The following ZNF521 variants were observed in gnomAD, a reference collection of about 807,000 sequenced individuals.
The protein encoded by ZNF521 is LYST-interacting protein 3.
ZNF521 carries 14 observed loss-of-function variants against 105.5 expected under a neutral mutation model. That is an observed-to-expected ratio of 0.13 (90% CI 0.09 to 0.21). The LOEUF is 0.21. Among genes scored for constraint, ZNF521 ranks in the 10% least tolerant of loss-of-function variants. ZNF521 has a pLI of 1.00. For missense variants in ZNF521, 1,233 were observed against 1,629.7 expected (o/e 0.76, Z 4.19); for synonymous variants, 635 against 606.0 (o/e 1.05, Z -0.70).
chr18:25,136,859 T>G (rs1325656839), intron 5 of ZNF521: 1 of 152,226 alleles, frequency 6.6e-6, no homozygotes, highest in Non-Finnish European at 1.5e-5. Flanking sequence ...ATTTGAACTG[T>G]TAAACCAAAT....
intron 3 of ZNF521, among the ~76,000 whole-genome samples, chr18:25,305,506 T>A (rs1434008040): frequency 1.3e-5 from 2 of 152,300 alleles, no homozygotes; most frequent in Non-Finnish European, 2.9e-5. Context: ...AAAACGTTAA[T>A]TTTATTCATT....
intron 3 of ZNF521, among the ~76,000 whole-genome samples, chr18:25,312,914 C>G (rs1912398493): frequency 6.6e-6 from 1 of 151,894 alleles, no homozygotes. Flanking sequence ...GGAGCCCTGA[C>G]AGTTGAACAA....
intron 5 of ZNF521, among the ~76,000 whole-genome samples, chr18:25,132,060 A>C (rs1265370839): frequency 6.6e-6 from 1 of 152,200 alleles, no homozygotes; most frequent in Non-Finnish European, 1.5e-5. Context: ...ACTTAAAGGC[A>C]CAAGAGATCC....
In ZNF521 at chr18:25,317,146, G is replaced by T. The variant is rs533267592; in HGVS notation, c.220+4862C>A. The stretch of plus-strand genomic sequence containing the variant: ...TGCTGGGATTACAGACATGAGCCAC[G>T]ACGCCCGGCCTCTACTTTTCTACCT... On this transcript the variant is annotated intron_variant, in intron 3 of 7. Coordinates refer to ENST00000361524, the MANE Select transcript of ZNF521 (RefSeq NM_015461.3). Among the ~76,000 whole-genome samples the T allele has an allele frequency of 4.6e-5, 7 of 152,058 alleles. No individual in the cohort carries two copies. In the East Asian group the frequency reaches 5.8e-4, roughly 13 times the overall value.
At chr18:25,220,477 C>A (rs1232935103) in intron 4 of ZNF521, among the ~76,000 whole-genome samples, 1 of 152,222 alleles carries the variant, frequency 6.6e-6, no homozygotes, top group Middle Eastern at 3.4e-3. Flanking sequence ...AATCCTGAAC[C>A]TGGAGTTAAC....
intron 3 of ZNF521, among the ~76,000 whole-genome samples, chr18:25,277,604 T>C (rs1465675946): frequency 1.3e-5 from 2 of 152,240 alleles, no homozygotes; most frequent in African/African-American, 4.8e-5. Context: ...TCATGTCATT[T>C]ACCTTATCTT....
chr18:25,284,908 G>GCA (rs750591820), intron 3 of ZNF521, among the ~76,000 whole-genome samples: 4 of 139,380 alleles, frequency 2.9e-5, no homozygotes, highest in Non-Finnish European at 4.7e-5. Flanking sequence ...GCGTGCGCGC[G>GCA]CGCACACACA....
chr18:25,134,082 T>A (rs577165937), intron 5 of ZNF521, among the ~76,000 whole-genome samples: 5 of 152,258 alleles, frequency 3.3e-5, no homozygotes, highest in African/African-American at 1.2e-4. Context: ...CTGATGCAAT[T>A]CCTGTCTTAC....
chr18:25,211,870 A>G (rs1401467423), intron 4 of ZNF521, among the ~76,000 whole-genome samples: 3 of 152,166 alleles, frequency 2.0e-5, no homozygotes, highest in African/African-American at 7.2e-5. Context: ...CTGTCTTTAA[A>G]CCACTAATTT....
At chr18:25,335,116 A>C (rs1272114674) in intron 2 of ZNF521, among the ~76,000 whole-genome samples, 3 of 152,204 alleles carry the variant, frequency 2.0e-5, no homozygotes, top group African/African-American at 7.2e-5. Flanking sequence ...TGCTCAGACT[A>C]GAATAAGGAA....
chr18:25,192,518 A>C (rs145040766), intron 5 of ZNF521, among the ~76,000 whole-genome samples: 22 of 152,296 alleles, frequency 1.4e-4, no homozygotes, highest in African/African-American at 4.1e-4. Context: ...TCATCTGTAG[A>C]TCTTGTTTTC....
intron 7 of ZNF521, among the ~76,000 whole-genome samples, chr18:25,083,844 A>G (rs148274227): frequency 0.051 from 7,613 of 149,828 alleles, 236 homozygotes; most frequent in Non-Finnish European, 0.062. Flanking sequence ...ATCATGGCTC[A>G]CTGCAGCCTC....
intron 3 of ZNF521, among the ~76,000 whole-genome samples, chr18:25,307,478 C>A (rs1459276075): frequency 1.3e-5 from 2 of 152,184 alleles, no homozygotes; most frequent in Non-Finnish European, 2.9e-5. Context: ...TGTGAAGTTC[C>A]TCAGAGCAGT....
intron 4 of ZNF521, among the ~76,000 whole-genome samples, chr18:25,212,115 C>T (rs2036189634): frequency 6.6e-6 from 1 of 151,994 alleles, no homozygotes; most frequent in African/African-American, 2.4e-5. Flanking sequence ...ATTTTCTCTG[C>T]CTATTCTTTT....
chr18:25,122,439 G>T (rs1376214437), intron 5 of ZNF521, among the ~76,000 whole-genome samples: 4 of 152,000 alleles, frequency 2.6e-5, no homozygotes, highest in African/African-American at 9.7e-5. Context: ...GTATTTTCAT[G>T]GTTTTAAGTA....
intron 4 of ZNF521, among the ~76,000 whole-genome samples, chr18:25,222,590 TA>T (rs1905804638): frequency 6.6e-6 from 1 of 152,200 alleles, no homozygotes; most frequent in South Asian, 2.1e-4. Flanking sequence ...TGCAGTCATT[TA>T]AAATCAACTT....
At chr18:25,201,282 C>T (rs1209230994) in intron 4 of ZNF521, 3 of 152,146 alleles carry the variant, frequency 2.0e-5, no homozygotes, top group Non-Finnish European at 2.9e-5. Flanking sequence ...GGTAAAAATC[C>T]TAGTTCCTGG....
chr18:25,319,156 G>A (rs531820528), intron 3 of ZNF521, among the ~76,000 whole-genome samples: 68 of 152,256 alleles, frequency 4.5e-4, no homozygotes, highest in African/African-American at 1.6e-3. Context: ...TCAATACAAT[G>A]AGAGTAATGA....
intron 5 of ZNF521, among the ~76,000 whole-genome samples, chr18:25,135,278 A>G (rs2034711887): frequency 8.8e-6 from 1 of 113,360 alleles, no homozygotes. Flanking sequence ...GTATATGTAT[A>G]CGTGTGTGTG....
Sources: gnomAD v4.1 joint callset for allele counts (sites outside exome capture counted in the v4.1 genomes callset) on GRCh38, gnomAD v4.1.1 for gene constraint, MANE v1.5 for transcripts, NCBI Gene and HGNC (gene_info 2026-07-23, HGNC 2026-07-21) for gene names.